RGS10: variants seen among roughly 807,000 people sequenced by gnomAD.
RGS10 encodes the protein regulator of G protein signaling 10.
In RGS10, 11 loss-of-function variants were observed where a neutral mutation model predicts 23.5. The ratio of observed to expected loss-of-function variants is 0.47; its 90% CI spans 0.29 to 0.77. RGS10 has a LOEUF of 0.77. Among genes scored for constraint, RGS10 ranks in the 30% least tolerant of loss-of-function variants. The pLI is 0.08. For missense variants in RGS10, 180 were observed against 226.3 expected (o/e 0.80, Z 1.31); for synonymous variants, 77 against 83.2 (o/e 0.92, Z 0.41).
chr10:119,512,828 G>A (rs1377104935), intron 4 of RGS10, among the ~76,000 whole-genome samples: 1 of 152,206 alleles, frequency 6.6e-6, no homozygotes, highest in Non-Finnish European at 1.5e-5. Flanking sequence ...GTTTACAGGC[G>A]TGAGCGACTG....
At chr10:119,510,998 GTGAGCCAC>G (rs1317562577) in intron 4 of RGS10, among the ~76,000 whole-genome samples, 2 of 152,144 alleles carry the variant, frequency 1.3e-5, no homozygotes, top group Non-Finnish European at 2.9e-5. Flanking sequence ...GATTACAGGT[GTGAGCCAC>G]CACGCCCGGC....
rs1194042014 is a variant in RGS10, at chr10:119,542,624, G to C, written c.15C>G (p.Ala5=). Residue 5 remains alanine, a synonymous_variant, in exon 1 of 5, where the codon GCC becomes GCG. Coordinates refer to ENST00000369103, the MANE Select transcript of RGS10 (RefSeq NM_001005339.2). ...GCCGCTTCCTGCTCAGCCGGCTCAC[G>C]GCGCGGTTGAACATCGCCGCGGGCG... is the stretch of plus-strand genomic sequence containing the variant. The part of the protein sequence containing the change: MFNR[A]VSRLSRKRPP... 7.0e-7 allele frequency: 1 copy of C among 1,422,370 alleles called. No individual in the cohort carries two copies. Among genetic ancestry groups the C allele is most frequent in the Admixed American group, 2.6e-5 (1 of 38,832 alleles). 88.1% of individuals were successfully genotyped at this position (1,422,370 alleles called of 1,614,324 possible).
At chr10:119,509,810 C>T (rs535426702) in intron 4 of RGS10, among the ~76,000 whole-genome samples, 7 of 152,264 alleles carry the variant, frequency 4.6e-5, no homozygotes, top group African/African-American at 1.7e-4. Flanking sequence ...AAACAGAACC[C>T]TCCTGGGGTC....
At chr10:119,508,418 G>T (rs1844039970) in intron 4 of RGS10, among the ~76,000 whole-genome samples, 1 of 152,194 alleles carries the variant, frequency 6.6e-6, no homozygotes, top group African/African-American at 2.4e-5. Flanking sequence ...CCACGAAGCT[G>T]CCATGTGCAA....
In RGS10 at chr10:119,519,454, T is replaced by A. The variant is rs185024340; in HGVS notation, c.256-3802A>T. Among the ~76,000 whole-genome samples, 177 of 140,810 alleles carry A rather than the reference T, an allele frequency of 1.3e-3. 1 individual carries two copies. The highest frequency in any genetic ancestry group is 4.4e-3 in the African/African-American group (161 of 36,860). 92.4% of individuals were successfully genotyped at this position (140,810 alleles called of 152,430 possible). A position where few individuals can be genotyped will look rare whatever the true frequency, so the allele number is the denominator to read the frequency against. On this transcript the variant is annotated intron_variant, in intron 3 of 4. Transcript: ENST00000369103. ...GTCTCCCTGTCTGTCCCCCAGCTCC[T>A]GTCTCCCTGTATCTGTCCCCCAGCT...
chr10:119,510,004 T>C (rs1181224524), intron 4 of RGS10, among the ~76,000 whole-genome samples: 1 of 152,082 alleles, frequency 6.6e-6, no homozygotes, highest in Admixed American at 6.5e-5. Context: ...CCACTCACCA[T>C]ACAAATGGTG....
chr10:119,515,702 G>A (rs774270454), intron 3 of RGS10, 50 bp from the exon 4 acceptor site: 19 of 1,605,948 alleles, frequency 1.2e-5, no homozygotes, highest in East Asian at 8.9e-5. Flanking sequence ...CAGCCTTCCC[G>A]GCCTGAGCCC....
chr10:119,512,748 A>G (rs1844093486), intron 4 of RGS10, among the ~76,000 whole-genome samples: 1 of 152,160 alleles, frequency 6.6e-6, no homozygotes, highest in Admixed American at 6.5e-5. Context: ...GGGTTTCGCT[A>G]TCTTGGCCAG....
At chr10:119,540,206 G>C (rs538925498) in intron 1 of RGS10, among the ~76,000 whole-genome samples, 2 of 152,236 alleles carry the variant, frequency 1.3e-5, no homozygotes, top group African/African-American at 4.8e-5. Flanking sequence ...ATGATGTTTA[G>C]TGGCTGATCT....
chr10:119,509,203 C>T (rs1844049480), intron 4 of RGS10, among the ~76,000 whole-genome samples: 2 of 151,904 alleles, frequency 1.3e-5, no homozygotes, highest in Admixed American at 6.6e-5. Context: ...TTCATAAATA[C>T]CTTATTATTA....
chr10:119,526,446 A>T (rs1844274001), intron 2 of RGS10, among the ~76,000 whole-genome samples: 1 of 152,266 alleles, frequency 6.6e-6, no homozygotes, highest in Admixed American at 6.5e-5. Flanking sequence ...GTGTTTAAAC[A>T]AAGTACATTC....
chr10:119,522,696 C>T (rs1331542239), intron 3 of RGS10, among the ~76,000 whole-genome samples: 4 of 138,656 alleles, frequency 2.9e-5, no homozygotes, highest in African/African-American at 1.1e-4. Flanking sequence ...CTAGCCTGGG[C>T]GAGAAGAGCG....
chr10:119,523,693 T>C (rs1394143117), intron 3 of RGS10, among the ~76,000 whole-genome samples: 2 of 152,184 alleles, frequency 1.3e-5, no homozygotes, highest in African/African-American at 4.8e-5. Context: ...CTATGCTGGA[T>C]GTCAGGGGTA....
intron 1 of RGS10, among the ~76,000 whole-genome samples, chr10:119,530,443 C>A (rs1844320760): frequency 1.3e-5 from 2 of 152,146 alleles, no homozygotes; most frequent in Non-Finnish European, 2.9e-5. Flanking sequence ...AATCCAAACA[C>A]CTTGGGAGGC....
At chr10:119,523,516 T>C (rs992714948) in intron 3 of RGS10, among the ~76,000 whole-genome samples, 1 of 152,138 alleles carries the variant, frequency 6.6e-6, no homozygotes. Flanking sequence ...AATACAAAAA[T>C]TAGCCAAGCA....
At chr10:119,511,358 C>T (rs1005445418) in intron 4 of RGS10, among the ~76,000 whole-genome samples, 4 of 152,166 alleles carry the variant, frequency 2.6e-5, no homozygotes, top group Non-Finnish European at 5.9e-5. Flanking sequence ...GTAGCTCACA[C>T]CTGTAATCCC....
chr10:119,508,905 T>C (rs1442245337), intron 4 of RGS10, among the ~76,000 whole-genome samples: 1 of 152,154 alleles, frequency 6.6e-6, no homozygotes, highest in African/African-American at 2.4e-5. Context: ...AAGACCGGCC[T>C]GGGCAACATA....
chr10:119,542,572 G>GC lies in RGS10; in HGVS notation c.49+17dup. ...CGGCGCCCCGACCCCGAGCCCGCGG[G>GC]CCCCCGAAGCCGCTTACCTGACGGC... On this transcript the variant is annotated intron_variant, in intron 1 of 4. Coordinates refer to ENST00000369103, the MANE Select transcript of RGS10 (RefSeq NM_001005339.2). The GC allele has an allele frequency of 1.4e-6, 2 of 1,399,040 alleles. No individual in the cohort carries two copies. Among genetic ancestry groups the GC allele is most frequent in the East Asian group, 3.1e-5 (1 of 32,472 alleles). 86.7% of individuals were successfully genotyped at this position (1,399,040 alleles called of 1,614,324 possible).
intron 4 of RGS10, 80 bp downstream of exon 4, chr10:119,515,429 C>T (rs564054094): frequency 6.2e-5 from 95 of 1,542,908 alleles, no homozygotes; most frequent in Non-Finnish European, 7.5e-5. Flanking sequence ...AGTCTAACAT[C>T]GGGTGTTTCA....
Sources: gnomAD v4.1 joint callset for allele counts (sites outside exome capture counted in the v4.1 genomes callset) on GRCh38, gnomAD v4.1.1 for gene constraint, MANE v1.5 for transcripts, NCBI Gene and HGNC (gene_info 2026-07-23, HGNC 2026-07-21) for gene names.